Variants in MAGI2 observed in about 807,000 individuals in gnomAD.
MAGI2 encodes the protein membrane-associated guanylate kinase, WW and PDZ domain-containing protein 2.
Under a neutral mutation model 133.3 loss-of-function variants are expected in MAGI2, and 35 were observed. That is an observed-to-expected ratio of 0.26 (90% CI 0.20 to 0.35). The LOEUF (loss-of-function observed/expected upper bound fraction) is 0.35. MAGI2 is among the 10% of genes least tolerant of loss of function. MAGI2 has a pLI of 1.00. For synonymous variants in MAGI2, 729 were observed against 710.6 expected (o/e 1.03, Z -0.41); for missense variants, 1,636 against 1,863.4 (o/e 0.88, Z 2.25).
At chr7:79,242,142 T>A (rs1158731647) in intron 1 of MAGI2, among the ~76,000 whole-genome samples, 1 of 152,176 alleles carries the variant, frequency 6.6e-6, no homozygotes, top group African/African-American at 2.4e-5. Context: ...TTATAGTTAA[T>A]AACATATATT....
At chr7:78,726,753 C>T (rs1302535976) in intron 2 of MAGI2, among the ~76,000 whole-genome samples, 1 of 152,038 alleles carries the variant, frequency 6.6e-6, no homozygotes, top group African/African-American at 2.4e-5. Flanking sequence ...AACTAATTTA[C>T]AGCTGTATAA....
chr7:78,233,145 A>C (rs1790152678), intron 10 of MAGI2, among the ~76,000 whole-genome samples: 1 of 152,148 alleles, frequency 6.6e-6, no homozygotes, highest in Non-Finnish European at 1.5e-5. Context: ...TAAGATGGGG[A>C]AATAAAATTG....
chr7:78,829,489 T>C (rs549541203), intron 2 of MAGI2, among the ~76,000 whole-genome samples: 154 of 152,262 alleles, frequency 1.0e-3, no homozygotes, highest in African/African-American at 3.6e-3. Flanking sequence ...TATTGTATTC[T>C]GTTTCTTTGA....
intron 3 of MAGI2, among the ~76,000 whole-genome samples, chr7:78,585,440 T>A (rs976858416): frequency 6.6e-6 from 1 of 152,176 alleles, no homozygotes; most frequent in African/African-American, 2.4e-5. Context: ...AGTCTCTACC[T>A]GAGACTGAGA....
chr7:78,405,745 C>T (rs867363395), intron 6 of MAGI2, among the ~76,000 whole-genome samples: 82 of 151,762 alleles, frequency 5.4e-4, no homozygotes, highest in African/African-American at 1.9e-3. Context: ...CATATTTTTA[C>T]ACATTTAAAA....
At chr7:78,110,253 C>A (rs1385415463) in intron 20 of MAGI2, among the ~76,000 whole-genome samples, 2 of 152,204 alleles carry the variant, frequency 1.3e-5, no homozygotes, top group African/African-American at 4.8e-5. Context: ...AGGTCTCATA[C>A]ACAAGCACAG....
chr7:78,226,253 C>A (rs1020894697), intron 10 of MAGI2, among the ~76,000 whole-genome samples: 2 of 151,762 alleles, frequency 1.3e-5, no homozygotes, highest in Non-Finnish European at 2.9e-5. Context: ...CGAATGGTGC[C>A]CCCTACCGGT....
intron 2 of MAGI2, among the ~76,000 whole-genome samples, chr7:78,875,298 G>A (rs372897446): frequency 7.2e-5 from 11 of 152,294 alleles, no homozygotes; most frequent in African/African-American, 1.9e-4. Context: ...GGGAGGCAGA[G>A]AGCTGAAGTC....
intron 1 of MAGI2, among the ~76,000 whole-genome samples, chr7:79,169,278 G>A (rs1825288221): frequency 6.6e-6 from 1 of 152,000 alleles, no homozygotes; most frequent in African/African-American, 2.4e-5. Flanking sequence ...GGGAAATTTG[G>A]AATGTGCATT....
intron 20 of MAGI2, among the ~76,000 whole-genome samples, chr7:78,121,473 G>A (rs994136488): frequency 2.6e-5 from 4 of 152,074 alleles, no homozygotes; most frequent in Admixed American, 6.5e-5. Context: ...GAACATGAAC[G>A]TCTAATAAAT....
intron 1 of MAGI2, among the ~76,000 whole-genome samples, chr7:79,401,777 C>T (rs1023191276): frequency 1.3e-5 from 2 of 152,046 alleles, no homozygotes; most frequent in African/African-American, 4.8e-5. Flanking sequence ...CTTATTACTA[C>T]ATGTTTACTG....
At chr7:78,288,464 G>A (rs1180165455) in intron 9 of MAGI2, among the ~76,000 whole-genome samples, 1 of 152,096 alleles carries the variant, frequency 6.6e-6, no homozygotes, top group East Asian at 1.9e-4. Context: ...TAGGTTCCTT[G>A]TTTTAATTCT....
At chr7:78,590,055 T>C (rs6946271) in intron 3 of MAGI2, among the ~76,000 whole-genome samples, 2 of 152,166 alleles carry the variant, frequency 1.3e-5, no homozygotes, top group African/African-American at 4.8e-5. Context: ...CCTAAAGCAA[T>C]GATGAACAAT....
chr7:78,959,215 T>G (rs531556255), intron 2 of MAGI2, among the ~76,000 whole-genome samples: 1 of 152,266 alleles, frequency 6.6e-6, no homozygotes, highest in South Asian at 2.1e-4. Context: ...GCAACTCAGC[T>G]TCACCACTTG....
intron 1 of MAGI2, among the ~76,000 whole-genome samples, chr7:79,123,785 C>CAAA (rs71095377): frequency 0.037 from 2,194 of 59,656 alleles, 154 homozygotes; most frequent in African/African-American, 0.11. Context: ...GACTCCATCT[C>CAAA]AAAAAAAAAA....
At chr7:78,242,085 T>C (rs1457174391) in intron 10 of MAGI2, among the ~76,000 whole-genome samples, 1 of 152,190 alleles carries the variant, frequency 6.6e-6, no homozygotes, top group Non-Finnish European at 1.5e-5. Context: ...CATTTTTTAA[T>C]TCCTGGACAC....
intron 7 of MAGI2, among the ~76,000 whole-genome samples, chr7:78,361,763 A>G (rs2151237742): frequency 6.6e-6 from 1 of 152,304 alleles, no homozygotes; most frequent in African/African-American, 2.4e-5. Context: ...ATAAAAGTGT[A>G]TTTAATTACA....
intron 1 of MAGI2, among the ~76,000 whole-genome samples, chr7:79,399,775 G>C (rs1195060979): frequency 6.6e-6 from 1 of 152,156 alleles, no homozygotes; most frequent in East Asian, 1.9e-4. Flanking sequence ...TCCAGTCTTA[G>C]AATAGAAGCT....
At chr7:79,317,086 G>A (rs368689986) in intron 1 of MAGI2, among the ~76,000 whole-genome samples, 1 of 131,720 alleles carries the variant, frequency 7.6e-6, no homozygotes, top group Non-Finnish European at 1.5e-5. Context: ...GCAATGGCAT[G>A]ATCTCGGCTC....
Sources: allele counts gnomAD v4.1 joint callset (sites outside exome capture counted in the v4.1 genomes callset), GRCh38; gene constraint gnomAD v4.1.1; transcripts MANE v1.5; gene names NCBI Gene and HGNC (gene_info 2026-07-23, HGNC 2026-07-21).